Variants in PBX1 observed in about 807,000 individuals in gnomAD.
The protein encoded by PBX1 is PBX homeobox 1, also known as pre-B-cell leukemia transcription factor 1.
A neutral mutation model predicts 53.4 loss-of-function variants in PBX1; 6 were observed. The observed-to-expected ratio is 0.11, with a 90% CI of 0.06 to 0.22. PBX1 has a LOEUF of 0.22. PBX1 is among the 10% of genes least tolerant of loss of function. The probability of loss-of-function intolerance (pLI) is 1.00; values close to 1 mark genes in which losing one functional copy is unlikely to be tolerated. For synonymous variants in PBX1, 204 were observed against 212.3 expected (o/e 0.96, Z 0.34); for missense variants, 251 against 551.4 (o/e 0.46, Z 5.46).
intron 2 of PBX1, among the ~76,000 whole-genome samples, chr1:164,760,149 G>A (rs564968068): frequency 1.3e-5 from 2 of 152,290 alleles, no homozygotes; most frequent in Non-Finnish European, 1.5e-5. Context: ...CTTAAATGGA[G>A]CCTGTCACTC....
intron 8 of PBX1, 70 bp from the exon 9 acceptor site, chr1:164,846,514 A>G: frequency 7.5e-7 from 1 of 1,330,896 alleles, no homozygotes; most frequent in South Asian, 1.2e-5. Flanking sequence ...AAGATGCCTC[A>G]TTGTCATTGT....
At chr1:164,825,618 A>G (rs1670419562) in intron 8 of PBX1, among the ~76,000 whole-genome samples, 1 of 152,194 alleles carries the variant, frequency 6.6e-6, no homozygotes, top group Admixed American at 6.5e-5. Context: ...CTTTTTGGAA[A>G]AAGTTTTTCA....
At chr1:164,617,780 G>A (rs1657378162) in intron 2 of PBX1, among the ~76,000 whole-genome samples, 1 of 152,136 alleles carries the variant, frequency 6.6e-6, no homozygotes, top group South Asian at 2.1e-4. Flanking sequence ...TCCACATTGG[G>A]GATCAGTTAC....
At chr1:164,864,527 C>A (rs192189494) in intron 2 of PBX1, among the ~76,000 whole-genome samples, 1 of 152,244 alleles carries the variant, frequency 6.6e-6, no homozygotes, top group East Asian at 1.9e-4. Flanking sequence ...ATCCCCAACC[C>A]CAACTGTCTT....
chr1:164,801,308 G>A (rs1388482538), intron 4 of PBX1, among the ~76,000 whole-genome samples: 3 of 152,160 alleles, frequency 2.0e-5, no homozygotes, highest in Admixed American at 1.3e-4. Context: ...AGCCCGTTCT[G>A]CGTAGTGCAA....
intron 2 of PBX1, among the ~76,000 whole-genome samples, chr1:164,786,681 CTGTGTGTGTGTGTGTG>C (rs74747780): frequency 2.8e-4 from 39 of 140,614 alleles, no homozygotes; most frequent in South Asian, 7.4e-4. Flanking sequence ...TCAGAAGAGA[CTGTGTGTGTGTGTGTG>C]TGTGTGTGTG....
intron 2 of PBX1, among the ~76,000 whole-genome samples, chr1:164,677,515 A>G (rs1661503602): frequency 6.6e-6 from 1 of 152,186 alleles, no homozygotes; most frequent in African/African-American, 2.4e-5. Flanking sequence ...AGTGTTCAGA[A>G]GAAAAGACTA....
intron 2 of PBX1, among the ~76,000 whole-genome samples, chr1:164,634,179 C>T (rs1032147976): frequency 1.2e-4 from 19 of 152,192 alleles, no homozygotes; most frequent in Non-Finnish European, 2.6e-4. Flanking sequence ...CAGCATTGCT[C>T]ACTGAGTATT....
rs1271962740 is a variant in PBX1, at chr1:164,847,035, A to C, written c.*359A>C. Reference sequence around the variant, plus strand: ...ATTAGAGGAATTTAAAGAGGAAAAAAATTACAAAGAAAATAATAAAAGTGT... The same window carrying C: ...ATTAGAGGAATTTAAAGAGGAAAAACATTACAAAGAAAATAATAAAAGTGT... On this transcript the variant is annotated 3_prime_UTR_variant, in exon 9 of 9. Coordinates refer to ENST00000420696, the MANE Select transcript of PBX1 (RefSeq NM_002585.4). The C allele has an allele frequency of 8.9e-7, 1 of 1,124,984 alleles. No homozygotes were observed. Among genetic ancestry groups the C allele is most frequent in the African/African-American group, 1.6e-5 (1 of 63,888 alleles). The allele number at this position is 1,124,984 out of a possible 1,614,324, so 69.7% of individuals were successfully genotyped here.
intron 6 of PBX1, chr1:164,816,669 T>C (rs987474260): frequency 6.6e-6 from 1 of 152,196 alleles, no homozygotes; most frequent in South Asian, 2.1e-4. Context: ...AGGATAACCA[T>C]TGTAGGGCTA....
chr1:164,839,810 C>T (rs1187352173), intron 8 of PBX1, among the ~76,000 whole-genome samples: 3 of 152,058 alleles, frequency 2.0e-5, no homozygotes, highest in Non-Finnish European at 4.4e-5. Flanking sequence ...AACAAGATCT[C>T]AGGATTCAAG....
At chr1:164,784,019 A>G (rs963553067) in intron 2 of PBX1, among the ~76,000 whole-genome samples, 20 of 152,218 alleles carry the variant, frequency 1.3e-4, no homozygotes, top group Admixed American at 2.0e-4. Flanking sequence ...GTTGCCGACC[A>G]ATGGCTCCAC....
intron 2 of PBX1, among the ~76,000 whole-genome samples, chr1:164,751,534 A>G (rs1209387013): frequency 4.0e-5 from 6 of 151,350 alleles, no homozygotes; most frequent in Non-Finnish European, 7.4e-5. Context: ...AACATTTTTT[A>G]TAGACATGGG....
intron 2 of PBX1, among the ~76,000 whole-genome samples, chr1:164,687,065 C>T (rs774317164): frequency 2.0e-5 from 3 of 152,184 alleles, no homozygotes; most frequent in African/African-American, 4.8e-5. Context: ...TAATAACAAT[C>T]ATGGTGGCAT....
intron 2 of PBX1, among the ~76,000 whole-genome samples, chr1:164,612,002 A>G (rs1463193093): frequency 2.0e-5 from 3 of 152,152 alleles, no homozygotes; most frequent in South Asian, 2.1e-4. Context: ...CACAGGCAAC[A>G]TGATGTAATG....
At chr1:164,626,851 TC>T (rs1373965761) in intron 2 of PBX1, among the ~76,000 whole-genome samples, 3 of 152,158 alleles carry the variant, frequency 2.0e-5, no homozygotes, top group Non-Finnish European at 4.4e-5. Flanking sequence ...CTCTTTCTTC[TC>T]ACCATTTAAC....
At chr1:164,636,810 G>T (rs527533190) in intron 2 of PBX1, among the ~76,000 whole-genome samples, 1 of 152,240 alleles carries the variant, frequency 6.6e-6, no homozygotes, top group East Asian at 1.9e-4. Context: ...CTGTGGTGGG[G>T]TTTCTTTCAT....
chr1:164,625,811 A>T (rs1346882898), intron 2 of PBX1: 8 of 224,312 alleles, frequency 3.6e-5, no homozygotes, highest in African/African-American at 6.8e-5. Context: ...ATGGGATTTA[A>T]AAAAAAAAAA....
intron 4 of PBX1, among the ~76,000 whole-genome samples, chr1:164,801,000 A>G (rs1249491825): frequency 1.3e-5 from 2 of 152,098 alleles, no homozygotes; most frequent in African/African-American, 4.8e-5. Context: ...CTGTGTTCAC[A>G]ATTATGGTCT....
Sources: gnomAD v4.1 joint callset for allele counts (sites outside exome capture counted in the v4.1 genomes callset) on GRCh38, gnomAD v4.1.1 for gene constraint, MANE v1.5 for transcripts, NCBI Gene and HGNC (gene_info 2026-07-23, HGNC 2026-07-21) for gene names.